EPHB2: variants seen among roughly 807,000 people sequenced by gnomAD.
EPHB2 encodes the protein EPH receptor B2, also known as ephrin type-B receptor 2.
A neutral mutation model predicts 96.4 loss-of-function variants in EPHB2; 18 were observed. The observed-to-expected ratio is 0.19, with a 90% confidence interval of 0.13 to 0.28. EPHB2 has a LOEUF of 0.28. Ranked by LOEUF, EPHB2 falls within the 10% of genes least tolerant of loss-of-function variation. EPHB2 has a pLI of 1.00. For synonymous variants in EPHB2, 506 were observed against 534.1 expected (o/e 0.95, Z 0.72); for missense variants, 989 against 1,355.4 (o/e 0.73, Z 4.25).
intron 5 of EPHB2, among the ~76,000 whole-genome samples, chr1:22,880,867 T>C (rs1036273513): frequency 1.3e-5 from 2 of 152,202 alleles, no homozygotes; most frequent in Admixed American, 1.3e-4. Context: ...CCGGATGCAT[T>C]ATGAAATAAG....
At chr1:22,726,145 A>G (rs1643575923) in intron 1 of EPHB2, among the ~76,000 whole-genome samples, 1 of 152,216 alleles carries the variant, frequency 6.6e-6, no homozygotes, top group African/African-American at 2.4e-5. Context: ...CAATGTTCTG[A>G]TGGCAAAGAA....
At chr1:22,850,046 T>C (rs896844996) in intron 3 of EPHB2, among the ~76,000 whole-genome samples, 3 of 152,218 alleles carry the variant, frequency 2.0e-5, no homozygotes, top group Middle Eastern at 3.2e-3. Flanking sequence ...TTAATGACCA[T>C]GGCTTTCTTG....
At chr1:22,792,021 T>A (rs548256657) in intron 3 of EPHB2, among the ~76,000 whole-genome samples, 1 of 152,308 alleles carries the variant, frequency 6.6e-6, no homozygotes, top group South Asian at 2.1e-4. Flanking sequence ...ATGTTATGCC[T>A]GTGGCTTTAT....
intron 3 of EPHB2, among the ~76,000 whole-genome samples, chr1:22,785,591 A>G (rs1311180808): frequency 6.6e-6 from 1 of 152,234 alleles, no homozygotes; most frequent in African/African-American, 2.4e-5. Context: ...CTGAGAGCCA[A>G]ATGGATGGAG....
chr1:22,882,175 C>A (rs573231102), intron 5 of EPHB2, among the ~76,000 whole-genome samples, 184 bp from the exon 6 acceptor site: 1 of 152,184 alleles, frequency 6.6e-6, no homozygotes, highest in Non-Finnish European at 1.5e-5. Context: ...GCAGCAGCAC[C>A]CATAGCCCTG....
chr1:22,852,656 TAC>T (rs1434327631), intron 3 of EPHB2, among the ~76,000 whole-genome samples: 5 of 152,302 alleles, frequency 3.3e-5, no homozygotes, highest in African/African-American at 1.2e-4. Flanking sequence ...CACCAGCCTT[TAC>T]AGACTGTGGG....
intron 3 of EPHB2, among the ~76,000 whole-genome samples, chr1:22,789,424 G>A (rs1356998381): frequency 6.6e-6 from 1 of 152,202 alleles, no homozygotes; most frequent in Non-Finnish European, 1.5e-5. Flanking sequence ...CAGTGATGGT[G>A]AACAAAGGCT....
At chr1:22,765,562 A>AAAAAAC (rs386366474) in intron 1 of EPHB2, among the ~76,000 whole-genome samples, 94 of 150,578 alleles carry the variant, frequency 6.2e-4, no homozygotes, top group African/African-American at 2.1e-3. Context: ...AAAAAAAAAA[A>AAAAAAC]ACATTGAGTT....
intron 3 of EPHB2, among the ~76,000 whole-genome samples, chr1:22,824,882 C>A (rs753324987): frequency 6.6e-6 from 1 of 152,222 alleles, no homozygotes; most frequent in Non-Finnish European, 1.5e-5. Flanking sequence ...TTGGCCAGTG[C>A]CAGGTTCCCA....
intron 3 of EPHB2, among the ~76,000 whole-genome samples, chr1:22,824,750 C>T (rs1411988966): frequency 1.3e-5 from 2 of 152,252 alleles, no homozygotes; most frequent in Non-Finnish European, 2.9e-5. Flanking sequence ...TAATTAGTCT[C>T]GCGCTAATCT....
At position 22,906,598 on chromosome 1, in the gene EPHB2, A is replaced by G. The variant is rs1048271915; in HGVS notation, c.1889-112A>G. ...CTGTGTCTGCAAGGATGAGTGGGCC[A>G]TTGAGAAGAAAATGTACCTGCAGGC... On this transcript the variant is annotated intron_variant, in intron 10 of 15. Coordinates refer to ENST00000374630, the MANE Select transcript of EPHB2 (RefSeq NM_017449.5). This position sits in a 1 kb window ranked among gnomAD's most constrained non-coding sequence, Gnocchi z 4.8. 20 of 1,523,888 alleles carry G rather than the reference A, an allele frequency of 1.3e-5. No individual in the cohort carries two copies. The African/African-American group carries it at 2.5e-4, about 19-fold the overall frequency. The allele number at this position is 1,523,888 out of a possible 1,614,324, so 94.4% of individuals were successfully genotyped here.
Position 22,864,897 on chromosome 1 carries a change from G to T in EPHB2, c.988G>T (p.Ala330Ser), listed in dbSNP as rs142890560. Residue 330 changes from alanine to serine, a missense_variant, in exon 5 of 16, where the codon GCT becomes TCT. Physicochemically the swap from Ala to Ser is moderately conservative, Grantham distance 99. Transcript: ENST00000374630. ...CCCAGCCATCCCCTCCGCGCCCCAGGCTGTGATTTCCAGTGTCAATGAGAC... is the reference window on the plus strand; with the variant it reads ...CCCAGCCATCCCCTCCGCGCCCCAGTCTGTGATTTCCAGTGTCAATGAGAC... ...PCTTIPSAPQ[A>S]VISSVNETSL... 3 of 1,608,306 alleles carry T rather than the reference G, an allele frequency of 1.9e-6. No individual in the cohort carries two copies. Among genetic ancestry groups the T allele is most frequent in the Non-Finnish European group, 2.5e-6 (3 of 1,177,586 alleles).
intron 1 of EPHB2, among the ~76,000 whole-genome samples, chr1:22,754,390 C>T (rs1251839364): frequency 6.6e-6 from 1 of 152,182 alleles, no homozygotes; most frequent in African/African-American, 2.4e-5. Context: ...ACCAGCATCT[C>T]TTGACACCAC....
intron 3 of EPHB2, among the ~76,000 whole-genome samples, chr1:22,828,633 C>T (rs188972797): frequency 2.0e-5 from 3 of 152,298 alleles, no homozygotes; most frequent in Non-Finnish European, 4.4e-5. Flanking sequence ...CGTGACATCA[C>T]AGTCACCGCC....
chr1:22,716,043 T>C (rs1643286826), intron 1 of EPHB2, among the ~76,000 whole-genome samples: 1 of 152,108 alleles, frequency 6.6e-6, no homozygotes, highest in African/African-American at 2.4e-5. Context: ...GTGTCTCCCC[T>C]AACCCACCCC....
chr1:22,889,436 C>T (rs1639324393), intron 6 of EPHB2, among the ~76,000 whole-genome samples: 1 of 152,166 alleles, frequency 6.6e-6, no homozygotes, highest in South Asian at 2.1e-4. Context: ...GGTACTGCAT[C>T]CCAGGTTTTG....
chr1:22,832,123 G>A (rs143052538), intron 3 of EPHB2, among the ~76,000 whole-genome samples: 46 of 152,258 alleles, frequency 3.0e-4, no homozygotes, highest in African/African-American at 1.1e-3. Context: ...CCAGAAAGTA[G>A]GGACAAGAGA....
chr1:22,865,208 G>A lies in EPHB2; in HGVS notation c.1299G>A (p.Gln433=). The A allele has an allele frequency of 6.2e-7, 1 of 1,614,220 alleles. No homozygotes were observed. Among genetic ancestry groups the A allele is most frequent in the Non-Finnish European group, 8.5e-7 (1 of 1,180,042 alleles). ...QFASVNITTN[Q]AAPSAVSIMH... is the part of the protein sequence containing the mutation. ...CCTCTGTGAACATCACCACCAACCA[G>A]GCAGGTAAGTGCTTCCGACGTGGGC... The change falls in exon 5 of 16, where the codon CAG becomes CAA. Residue 433 remains glutamine (Q), a synonymous_variant. Transcript: ENST00000374630.
intron 1 of EPHB2, among the ~76,000 whole-genome samples, chr1:22,762,392 A>G (rs2148396133): frequency 6.6e-6 from 1 of 152,330 alleles, no homozygotes; most frequent in Admixed American, 6.5e-5. Flanking sequence ...CCTGTGGCAG[A>G]AAGGAAGGTA....
Sources: allele counts gnomAD v4.1 joint callset (sites outside exome capture counted in the v4.1 genomes callset), GRCh38; gene constraint gnomAD v4.1.1; non-coding constraint Gnocchi (gnomAD v3.1); transcripts MANE v1.5; gene names NCBI Gene and HGNC (gene_info 2026-07-23, HGNC 2026-07-21).